Variants in STRA6 observed in about 807,000 individuals in gnomAD.
STRA6 encodes the protein signaling receptor and transporter of retinol STRA6.
Under a neutral mutation model 83.6 loss-of-function variants are expected in STRA6, and 48 were observed. The observed-to-expected ratio is 0.57, with a 90% CI of 0.46 to 0.73. STRA6 has a LOEUF of 0.73. Among genes scored for constraint, STRA6 ranks in the 30% least tolerant of loss-of-function variants. STRA6 has a pLI of 0.00. For missense variants in STRA6, 760 were observed against 838.8 expected (o/e 0.91, Z 1.16); for synonymous variants, 353 against 362.3 (o/e 0.97, Z 0.29).
intron 8 of STRA6, among the ~76,000 whole-genome samples, chr15:74,193,321 C>G (rs2073644380): frequency 6.6e-6 from 1 of 152,208 alleles, no homozygotes; most frequent in Non-Finnish European, 1.5e-5. Flanking sequence ...CCTTCAGGCC[C>G]TTGTAGAGTC....
rs758174551 is a variant in STRA6, at chr15:74,196,056, C to T, written c.358G>A (p.Asp120Asn). The change falls in exon 5 of 19, where the codon GAC (aspartate) becomes AAC (asparagine). Residue 120 changes from aspartate (D) to asparagine (N), a missense_variant. Asp to Asn is a conservative substitution (Grantham distance 23). Transcript: ENST00000395105. Reference protein sequence around the residue: ...LLSSLCLLLPDEDALPFLTLA... With the variant: ...LLSSLCLLLPNEDALPFLTLA... ...GTCAGGAAGGGCAATGCGTCCTCGT[C>T]GGGGAGCAGCAAACACAGGGAGCTC... The T allele has an allele frequency of 1.1e-5, 18 of 1,613,836 alleles. No homozygotes were observed. Among genetic ancestry groups the T allele is most frequent in the African/African-American group, 1.3e-5 (1 of 74,872 alleles).
chr15:74,200,762 G>A (rs1183577806), intron 2 of STRA6, among the ~76,000 whole-genome samples: 1 of 152,218 alleles, frequency 6.6e-6, no homozygotes, highest in African/African-American at 2.4e-5. Context: ...CCTGCAGTGG[G>A]AGAAAGAAGC....
At chr15:74,209,662 CA>C, upstream of STRA6, 1 of 563,110 alleles carries the variant, frequency 1.8e-6, no homozygotes, top group South Asian at 2.3e-5. Context: ...CTGCAACCTC[CA>C]ACGCTGCTGG....
In STRA6 at chr15:74,184,869, C is replaced by T. The variant is rs931751694; in HGVS notation, c.1166+111G>A. The stretch of plus-strand genomic sequence containing the variant: ...CGCACAGGTGGGCTCCATGACAGCC[C>T]GGGCCGGCAGAGCCCTTCCCTCCCT... On this transcript the variant is annotated intron_variant, in intron 13 of 18. Coordinates refer to ENST00000395105, the MANE Select transcript of STRA6 (RefSeq NM_022369.4). The T allele has an allele frequency of 7.2e-6, 8 of 1,107,652 alleles. No individual in the cohort carries two copies. The African/African-American group carries it at 1.1e-4, about 15-fold the overall frequency. 68.6% of individuals were successfully genotyped at this position (1,107,652 alleles called of 1,614,324 possible).
intron 10 of STRA6, 54 bp from the exon 11 acceptor site, chr15:74,190,955 C>A (rs755396388): frequency 2.5e-6 from 4 of 1,610,892 alleles, no homozygotes; most frequent in Non-Finnish European, 3.4e-6. Context: ...GGCCCGGGAG[C>A]CCTCCTCCCT....
At chr15:74,195,135 G>C in intron 7 of STRA6, 167 bp downstream of exon 7, 1 of 1,504,692 alleles carries the variant, frequency 6.6e-7, no homozygotes, top group Non-Finnish European at 8.9e-7. Context: ...CTCTCCTGCA[G>C]AGCAGCCAAG....
At chr15:74,192,922 C>A (rs1044127732) in intron 8 of STRA6, among the ~76,000 whole-genome samples, 26 of 152,188 alleles carry the variant, frequency 1.7e-4, no homozygotes, top group Non-Finnish European at 2.2e-4. Flanking sequence ...GCATCTGTCT[C>A]CCCCACCACA....
intron 14 of STRA6, 23 bp from the exon 15 acceptor site, chr15:74,182,483 G>C: frequency 1.3e-6 from 2 of 1,583,742 alleles, no homozygotes; most frequent in Non-Finnish European, 1.7e-6. Flanking sequence ...GGAGTGGCAG[G>C]GGGACAGAAA....
chr15:74,204,432 A>G (rs1378904936), upstream of STRA6, among the ~76,000 whole-genome samples: 1 of 152,252 alleles, frequency 6.6e-6, no homozygotes, highest in Non-Finnish European at 1.5e-5. Context: ...GAGGTTCACC[A>G]GCTGGGCTTC....
chr15:74,194,652 G>T, intron 7 of STRA6: 1 of 776,978 alleles, frequency 1.3e-6, no homozygotes, highest in Non-Finnish European at 1.8e-6. Context: ...GGGAGGCTAG[G>T]GACTGTTTGT....
At chr15:74,203,106 G>T (rs369713804), upstream of STRA6, 13 of 985,462 alleles carry the variant, frequency 1.3e-5, no homozygotes, top group African/African-American at 1.0e-4. Flanking sequence ...CGAGTGAGAC[G>T]GACCGCTGGG....
At chr15:74,201,010 C>G (rs1413489577) in intron 2 of STRA6, among the ~76,000 whole-genome samples, 1 of 152,212 alleles carries the variant, frequency 6.6e-6, no homozygotes, top group African/African-American at 2.4e-5. Context: ...TCTGGTCTCT[C>G]GCAGGCCACA....
At chr15:74,189,385 C>T in intron 11 of STRA6, 108 bp from the exon 12 acceptor site, 2 of 1,459,410 alleles carry the variant, frequency 1.4e-6, no homozygotes, top group Non-Finnish European at 1.9e-6. Flanking sequence ...GCCACATGCC[C>T]ATTGCCCATC....
chr15:74,182,608 C>A, intron 14 of STRA6, 148 bp from the exon 15 acceptor site: 1 of 655,180 alleles, frequency 1.5e-6, no homozygotes, highest in Non-Finnish European at 2.7e-6. Context: ...CTGCCTTGAA[C>A]AAATCACTTT....
At chr15:74,208,025 C>T in intron 1 of STRA6, 1 of 1,367,616 alleles carries the variant, frequency 7.3e-7, no homozygotes, top group East Asian at 2.9e-5. Context: ...AATTCTCATG[C>T]CCCCCTCACC....
chr15:74,207,773 G>A, upstream of STRA6: 1 of 1,535,686 alleles, frequency 6.5e-7, no homozygotes, highest in Non-Finnish European at 8.7e-7. Context: ...CGTGAGCTTG[G>A]GGTGTGCCCT....
chr15:74,195,112 C>G, intron 7 of STRA6, 190 bp downstream of exon 7: 2 of 1,486,250 alleles, frequency 1.3e-6, no homozygotes, highest in Non-Finnish European at 1.8e-6. Flanking sequence ...GGCCCAGCCA[C>G]CTTGTTCCCT....
intron 8 of STRA6, among the ~76,000 whole-genome samples, chr15:74,193,088 T>C (rs2073631307): frequency 6.6e-6 from 1 of 152,180 alleles, no homozygotes; most frequent in Non-Finnish European, 1.5e-5. Flanking sequence ...CATCCATCCA[T>C]CCTTCCTTCC....
chr15:74,206,721 G>A (rs2074269216), upstream of STRA6, among the ~76,000 whole-genome samples: 1 of 152,214 alleles, frequency 6.6e-6, no homozygotes, highest in African/African-American at 2.4e-5. Flanking sequence ...CTGAAGCCAT[G>A]GAAGATCTGG....
Sources: allele counts gnomAD v4.1 joint callset (sites outside exome capture counted in the v4.1 genomes callset), GRCh38; gene constraint gnomAD v4.1.1; transcripts MANE v1.5; gene names NCBI Gene and HGNC (gene_info 2026-07-23, HGNC 2026-07-21).